CEACAM7: variants seen among roughly 807,000 people sequenced by gnomAD.
The protein encoded by CEACAM7 is cell adhesion molecule CEACAM7.
In CEACAM7, 24 loss-of-function variants were observed where a neutral mutation model predicts 25.7. The observed-to-expected ratio is 0.93, with a 90% CI of 0.68 to 1.31. The LOEUF (loss-of-function observed/expected upper bound fraction) is 1.31, where lower values mean the gene tolerates loss of function less well. CEACAM7 is among the 40% of genes most tolerant of loss of function. The pLI, the probability that CEACAM7 is intolerant of heterozygous loss-of-function variation, is 0.00. For missense variants in CEACAM7, 324 were observed against 330.1 expected, an observed-to-expected ratio of 0.98 and a Z score of 0.14; for synonymous variants, 144 against 129.4, an observed-to-expected ratio of 1.11 and a Z score of -0.77.
chr19:41,683,363 A>T (rs1008577), intron 3 of CEACAM7, among the ~76,000 whole-genome samples: 82,020 of 151,958 alleles, frequency 0.54, 22,296 homozygotes, highest in Middle Eastern at 0.63. Flanking sequence ...GTAAGATATA[A>T]CTGGGGTAGA....
At chr19:41,679,424 A>G (rs1047999170) in intron 3 of CEACAM7, among the ~76,000 whole-genome samples, 2 of 152,166 alleles carry the variant, frequency 1.3e-5, no homozygotes, top group Admixed American at 1.3e-4. Context: ...AAACTACCTC[A>G]AATATAATAA....
chr19:41,673,623 G>C lies in CEACAM7; in HGVS notation c.*1153C>G, dbSNP rs868961116. ...TACCTGCTTCCTCATGTTTCAGTGT[G>C]AGTATATGGCATTTAGCATGACTGG... On this transcript the variant is annotated 3_prime_UTR_variant, in exon 5 of 5. Coordinates refer to ENST00000401731, the MANE Select transcript of CEACAM7 (RefSeq NM_001291485.2). The C allele has an allele frequency of 6.6e-6, 1 of 152,174 alleles. No individual in the cohort carries two copies. Among genetic ancestry groups the C allele is most frequent in the Non-Finnish European group, 1.5e-5 (1 of 68,038 alleles). The allele number at this position is 152,174 out of a possible 1,614,324, so 9.4% of individuals were successfully genotyped here.
chr19:41,677,241 T>C, intron 4 of CEACAM7, 135 bp downstream of exon 4: 2 of 566,420 alleles, frequency 3.5e-6, no homozygotes, highest in South Asian at 4.9e-5. Flanking sequence ...CAGGAATTAG[T>C]GCTTAGAAGC....
Position 41,683,989 on chromosome 19 carries a change from A to C in CEACAM7, c.502T>G (p.Cys168Gly), listed in dbSNP as rs1363541669. 6.2e-7 allele frequency: 1 copy of C among 1,614,114 alleles called. No homozygotes were observed. Among genetic ancestry groups the C allele is most frequent in the Non-Finnish European group, 8.5e-7 (1 of 1,180,042 alleles). ...GTTGTGTTCTGAGTCTCAGGTTGAC[A>C]GGTTAAAACCACAATATCTTTGTTC... Reference protein sequence around the residue: ...VENKDIVVLTCQPETQNTTYL... With the variant: ...VENKDIVVLTGQPETQNTTYL... Residue 168 changes from cysteine (C) to glycine (G), a missense_variant, in exon 3 of 5, where the codon TGT becomes GGT. Cys to Gly is a radical substitution (Grantham distance 159, BLOSUM62 -3). Transcript: ENST00000401731.
At chr19:41,687,634 C>A (rs1290452494) in intron 1 of CEACAM7, among the ~76,000 whole-genome samples, 1 of 152,218 alleles carries the variant, frequency 6.6e-6, no homozygotes, top group African/African-American at 2.4e-5. Flanking sequence ...CGCATGAGAG[C>A]GTGAGCTCTG....
At chr19:41,687,752 T>C (rs1200825493) in intron 1 of CEACAM7, among the ~76,000 whole-genome samples, 1 of 151,024 alleles carries the variant, frequency 6.6e-6, no homozygotes, top group African/African-American at 2.5e-5. Context: ...CTCCACATCC[T>C]GGGGTTTATT....
intron 2 of CEACAM7, among the ~76,000 whole-genome samples, chr19:41,685,960 T>TTTAA (rs1568689348): frequency 6.6e-6 from 1 of 152,174 alleles, no homozygotes; most frequent in Non-Finnish European, 1.5e-5. Flanking sequence ...TCCTTCTGCC[T>TTTAA]CAGTTTCCTT....
At position 41,687,004 on chromosome 19, in the gene CEACAM7, G is replaced by A. The variant is rs145571605; in HGVS notation, c.282C>T (p.Pro94=). 6.8e-5 allele frequency: 110 copies of A among 1,613,546 alleles called. No homozygotes were observed. The African/African-American group carries it at 9.8e-4, about 14-fold the overall frequency. ...ATATTGTCTCTCGACCGTTGTGTGCGGGCCCTGGGGCATTTTCTTGACTTA... is the reference window on the plus strand; with the variant it reads ...ATATTGTCTCTCGACCGTTGTGTGCAGGCCCTGGGGCATTTTCTTGACTTA... ...KNISQENAPG[P]AHNGRETIYP... The change falls in exon 2 of 5, where the codon CCC becomes CCT. Residue 94 remains proline (P), a synonymous_variant. Transcript: ENST00000401731.
chr19:41,674,548 T>C lies in CEACAM7; in HGVS notation c.*228A>G. The C allele has an allele frequency of 4.6e-6, 1 of 215,678 alleles. No individual in the cohort carries two copies. The allele number at this position is 215,678 out of a possible 1,614,324, so 13.4% of individuals were successfully genotyped here. A position where few individuals can be genotyped will look rare whatever the true frequency, so the allele number is the denominator to read the frequency against. On this transcript the variant is annotated 3_prime_UTR_variant, in exon 5 of 5. Coordinates refer to ENST00000401731, the MANE Select transcript of CEACAM7 (RefSeq NM_001291485.2). ...CTTGTCCTGGTTGGCAATTTGAGTG[T>C]CTCTAGTTATGGTGTTGAACATTTT...
At chr19:41,687,526 G>A (rs1209476382) in intron 1 of CEACAM7, among the ~76,000 whole-genome samples, 1 of 152,218 alleles carries the variant, frequency 6.6e-6, no homozygotes, top group Non-Finnish European at 1.5e-5. Context: ...AGAAGCCCTG[G>A]GTGTTCCGTT....
At chr19:41,686,736 G>C (rs567511388) in intron 2 of CEACAM7, 123 bp downstream of exon 2, 9 of 1,113,688 alleles carry the variant, frequency 8.1e-6, no homozygotes, top group Non-Finnish European at 1.1e-5. Context: ...TTCACTAAAT[G>C]CCCAAACTCC....
At chr19:41,686,755 A>G in intron 2 of CEACAM7, 104 bp downstream of exon 2, 1 of 1,297,660 alleles carries the variant, frequency 7.7e-7, no homozygotes, top group Non-Finnish European at 1.0e-6. Flanking sequence ...CCAACACTGG[A>G]TAAAATGTAG....
chr19:41,687,529 G>A (rs903222724), intron 1 of CEACAM7, among the ~76,000 whole-genome samples: 1 of 152,200 alleles, frequency 6.6e-6, no homozygotes, highest in Non-Finnish European at 1.5e-5. Flanking sequence ...AGCCCTGGGT[G>A]TTCCGTTTCT....
At chr19:41,677,581 T>G (rs113136647) in intron 3 of CEACAM7, 78 bp from the exon 4 acceptor site, 3 of 1,018,582 alleles carry the variant, frequency 2.9e-6, no homozygotes, top group Admixed American at 1.8e-5. Context: ...ACTCTCAGCA[T>G]GAAGTCGTTT....
At chr19:41,679,838 A>G (rs1250344619) in intron 3 of CEACAM7, among the ~76,000 whole-genome samples, 1 of 51,728 alleles carries the variant, frequency 1.9e-5, no homozygotes, top group Non-Finnish European at 3.8e-5. Flanking sequence ...GTCTCATTTT[A>G]TTGCCCAAGC....
At chr19:41,679,926 C>G (rs2072156502) in intron 3 of CEACAM7, among the ~76,000 whole-genome samples, 1 of 148,982 alleles carries the variant, frequency 6.7e-6, no homozygotes, top group Non-Finnish European at 1.5e-5. Flanking sequence ...CTCAGCCTCC[C>G]AAGTAGTTGA....
In CEACAM7 at chr19:41,684,062, C is replaced by T. The variant is rs781824734; in HGVS notation, c.429G>A (p.Ser143=). Reference sequence around the variant, plus strand: ...TGGTGATGGAGGGCTTGGGTGGCTCCGCTGTGCAGATAAGAGAGAGAAAAG... The same window carrying T: ...TGGTGATGGAGGGCTTGGGTGGCTCTGCTGTGCAGATAAGAGAGAGAAAAG... The part of the protein sequence containing the change: ...EEVTRQFYVF[S]EPPKPSITSN... The change falls in exon 3 of 5, where the codon TCG becomes TCA. Residue 143 remains serine, a splice_region_variant and synonymous_variant. Transcript: ENST00000401731. 1.8e-5 allele frequency: 29 copies of T among 1,613,506 alleles called. No individual in the cohort carries two copies. In the East Asian group the frequency reaches 2.7e-4, roughly 15 times the overall value.
chr19:41,676,478 A>G (rs10418202), intron 4 of CEACAM7, among the ~76,000 whole-genome samples: 27,996 of 152,170 alleles, frequency 0.18, 3,262 homozygotes, highest in Non-Finnish European at 0.26. Context: ...CTCCCACCTC[A>G]GCTTCCCAAA....
Position 41,687,161 on chromosome 19 carries a change from G to C in CEACAM7, c.125C>G (p.Pro42Arg), listed in dbSNP as rs371233681. ...CTCCTTCCCTTCTGCGACATTGAAC[G>C]GCACGACATCAATATTGGTCTGGGC... ...NSAQTNIDVVPFNVAEGKEVL... is the reference protein window; with the variant it reads ...NSAQTNIDVVRFNVAEGKEVL... Residue 42 changes from proline to arginine, a missense_variant, in exon 2 of 5, where the codon CCG becomes CGG. Coordinates refer to ENST00000401731, the MANE Select transcript of CEACAM7 (RefSeq NM_001291485.2). 1 of 1,613,790 alleles carries C rather than the reference G, an allele frequency of 6.2e-7. No homozygotes were observed. The highest frequency in any genetic ancestry group is 1.1e-5 in the South Asian group (1 of 91,038).
Sources: gnomAD v4.1 joint callset for allele counts (sites outside exome capture counted in the v4.1 genomes callset) on GRCh38, gnomAD v4.1.1 for gene constraint, MANE v1.5 for transcripts, NCBI Gene and HGNC (gene_info 2026-07-23, HGNC 2026-07-21) for gene names.